TUSC3: variants seen among roughly 807,000 people sequenced by gnomAD.
TUSC3 encodes dolichyl-diphosphooligosaccharide--protein glycosyltransferase subunit TUSC3.
Under a neutral mutation model 44.8 loss-of-function variants are expected in TUSC3, and 45 were observed. That is an observed-to-expected ratio of 1.00 (90% confidence interval 0.79 to 1.29). TUSC3 has a LOEUF of 1.29. TUSC3 is among the 50% of genes most tolerant of loss of function. The probability of loss-of-function intolerance (pLI) is 0.00; values close to 1 mark genes in which losing one functional copy is unlikely to be tolerated. For synonymous variants in TUSC3, 212 were observed against 152.9 expected, an observed-to-expected ratio of 1.39 and a Z score of -2.85; for missense variants, 519 against 437.9, an observed-to-expected ratio of 1.19 and a Z score of -1.65.
chr8:15,445,116 G>T (rs553425337), intron 1 of TUSC3, among the ~76,000 whole-genome samples: 1 of 152,266 alleles, frequency 6.6e-6, no homozygotes, highest in East Asian at 1.9e-4. Context: ...CCCTTCAACT[G>T]CAAATACATG....
At chr8:15,773,164 C>G in the TUSC3 span, among the ~76,000 whole-genome samples, 1 of 152,012 alleles carries the variant, frequency 6.6e-6, no homozygotes, top group African/African-American at 2.4e-5. Flanking sequence ...AAAAAGACAA[C>G]CAAATTGGAA....
At chr8:15,440,947 G>C (rs1278271326) in intron 1 of TUSC3, among the ~76,000 whole-genome samples, 1 of 152,196 alleles carries the variant, frequency 6.6e-6, no homozygotes, top group Non-Finnish European at 1.5e-5. Flanking sequence ...CCAATTTCTA[G>C]TAAGTTTTGC....
the TUSC3 span, among the ~76,000 whole-genome samples, chr8:15,813,737 C>G: frequency 6.6e-6 from 1 of 151,990 alleles, no homozygotes; most frequent in Non-Finnish European, 1.5e-5. Flanking sequence ...TGGGATGGAT[C>G]AAGATAGCTT....
chr8:15,838,587 T>C, the TUSC3 span, among the ~76,000 whole-genome samples: 1 of 152,170 alleles, frequency 6.6e-6, no homozygotes, highest in East Asian at 1.9e-4. Context: ...CTAGCCAGTT[T>C]TCGCAGCACC....
chr8:15,780,451 GA>G, the TUSC3 span, among the ~76,000 whole-genome samples: 1 of 151,868 alleles, frequency 6.6e-6, no homozygotes, highest in Non-Finnish European at 1.5e-5. Flanking sequence ...CTAGACCACA[GA>G]AAAAAAAGTG....
chr8:15,778,699 A>G, the TUSC3 span, among the ~76,000 whole-genome samples: 2 of 152,136 alleles, frequency 1.3e-5, no homozygotes, highest in Admixed American at 6.6e-5. Context: ...TAAATTTCCA[A>G]ATCTGCTTTT....
chr8:15,800,732 G>A, the TUSC3 span, among the ~76,000 whole-genome samples: 1 of 152,184 alleles, frequency 6.6e-6, no homozygotes, highest in South Asian at 2.1e-4. Context: ...TGCCTTCTTA[G>A]TATTTTATGC....
intron 6 of TUSC3, among the ~76,000 whole-genome samples, chr8:15,707,079 T>A (rs1374612378): frequency 6.6e-6 from 1 of 152,028 alleles, no homozygotes; most frequent in Non-Finnish European, 1.5e-5. Flanking sequence ...TCTCAAAGCT[T>A]TATCACCATG....
chr8:15,741,489 A>C (rs988992872), intron 7 of TUSC3, among the ~76,000 whole-genome samples: 1 of 152,166 alleles, frequency 6.6e-6, no homozygotes, highest in African/African-American at 2.4e-5. Context: ...CAGGCAGACC[A>C]CTTGAGGCCA....
chr8:15,688,537 C>G (rs1266465750), intron 6 of TUSC3, among the ~76,000 whole-genome samples: 4 of 151,564 alleles, frequency 2.6e-5, no homozygotes, highest in South Asian at 2.1e-4. Context: ...TTTCATTGCC[C>G]AGGTAATCAG....
At chr8:15,616,919 C>G (rs1220090777) in intron 1 of TUSC3, among the ~76,000 whole-genome samples, 1 of 152,128 alleles carries the variant, frequency 6.6e-6, no homozygotes, top group Non-Finnish European at 1.5e-5. Context: ...GGGCCAGTAG[C>G]ATGAGACCAG....
chr8:15,754,664 C>T (rs985286543), intron 9 of TUSC3, among the ~76,000 whole-genome samples: 5 of 151,972 alleles, frequency 3.3e-5, no homozygotes, highest in South Asian at 2.1e-4. Flanking sequence ...GTTATGCCTC[C>T]GCCTTTTAGC....
At chr8:15,427,616 C>T (rs113675825) in intron 1 of TUSC3, among the ~76,000 whole-genome samples, 109 of 152,234 alleles carry the variant, frequency 7.2e-4, no homozygotes, top group African/African-American at 2.5e-3. Context: ...CTTTCATTCC[C>T]GCTGTAAAGA....
In TUSC3 at chr8:15,653,522, A is replaced by G. The variant is rs548288736; in HGVS notation, c.426+2708A>G. Among the ~76,000 whole-genome samples, 410 of 152,288 alleles carry G rather than the reference A, an allele frequency of 2.7e-3. 2 individuals are homozygous for G. Among genetic ancestry groups the G allele is most frequent in the African/African-American group, 9.4e-3 (390 of 41,566 alleles). On this transcript the variant is annotated intron_variant, in intron 3 of 10. Coordinates refer to ENST00000503731, the MANE Select transcript of TUSC3 (RefSeq NM_006765.4). Reference sequence around the variant, plus strand: ...TAATTATTCTAAAGTTTGGCGTATAAGAGTTGAAGTCAGTTGTTTTTAATT... The same window carrying G: ...TAATTATTCTAAAGTTTGGCGTATAGGAGTTGAAGTCAGTTGTTTTTAATT...
At chr8:15,449,944 G>A (rs1800171914) in intron 1 of TUSC3, among the ~76,000 whole-genome samples, 1 of 151,982 alleles carries the variant, frequency 6.6e-6, no homozygotes, top group South Asian at 2.1e-4. Flanking sequence ...GTACAGCTTT[G>A]TAGCCTAGGA....
chr8:15,568,657 C>T (rs559257126), intron 1 of TUSC3, among the ~76,000 whole-genome samples: 5 of 147,928 alleles, frequency 3.4e-5, no homozygotes, highest in African/African-American at 5.0e-5. Context: ...GGCTGCAGTG[C>T]AGTGGTATAA....
chr8:15,733,351 G>GTTTTT, intron 7 of TUSC3: 5 of 353,290 alleles, frequency 1.4e-5, no homozygotes, highest in South Asian at 4.4e-5. Flanking sequence ...GCTTCTTTTT[G>GTTTTT]TTTTTTTTTT....
At chr8:15,775,645 T>TATACATAC in the TUSC3 span, among the ~76,000 whole-genome samples, 64 of 134,502 alleles carry the variant, frequency 4.8e-4, no homozygotes, top group African/African-American at 1.6e-3. Context: ...TATATATATA[T>TATACATAC]ATATACACAC....
At chr8:15,719,735 T>A (rs887668648) in intron 6 of TUSC3, among the ~76,000 whole-genome samples, 3 of 152,136 alleles carry the variant, frequency 2.0e-5, no homozygotes, top group Non-Finnish European at 4.4e-5. Context: ...TATAACTACC[T>A]TAATGAAGTA....
Sources: gnomAD v4.1 joint callset for allele counts (sites outside exome capture counted in the v4.1 genomes callset) on GRCh38, gnomAD v4.1.1 for gene constraint, MANE v1.5 for transcripts, NCBI Gene and HGNC (gene_info 2026-07-23, HGNC 2026-07-21) for gene names.